Variants in STARD13 observed in about 807,000 individuals in gnomAD.
STARD13 encodes StAR related lipid transfer domain containing 13.
In STARD13, 62 loss-of-function variants were observed where a neutral mutation model predicts 106.4. The ratio of observed to expected loss-of-function variants is 0.58; its 90% CI spans 0.48 to 0.72. The LOEUF is 0.72. STARD13 is among the 30% of genes least tolerant of loss of function. The pLI, the probability that STARD13 is intolerant of heterozygous loss-of-function variation, is 0.00. For synonymous variants in STARD13, 565 were observed against 553.0 expected (o/e 1.02, Z -0.31); for missense variants, 1,387 against 1,424.0 (o/e 0.97, Z 0.42).
chr13:33,240,223 A>G (rs1889400554), intron 1 of STARD13, among the ~76,000 whole-genome samples: 1 of 152,070 alleles, frequency 6.6e-6, no homozygotes, highest in African/African-American at 2.4e-5. Flanking sequence ...TTGGCTCTCT[A>G]TTCTGTTCCA....
intron 1 of STARD13, among the ~76,000 whole-genome samples, chr13:33,184,843 C>T (rs1885595668): frequency 6.6e-6 from 1 of 152,196 alleles, no homozygotes; most frequent in Non-Finnish European, 1.5e-5. Flanking sequence ...TTCACAATTT[C>T]CACTGATGTA....
chr13:33,253,980 G>A (rs1053987452), intron 1 of STARD13, among the ~76,000 whole-genome samples: 4 of 152,236 alleles, frequency 2.6e-5, no homozygotes, highest in South Asian at 2.1e-4. Context: ...ATTGTAAAAT[G>A]TATTAGTGCT....
At chr13:33,675,022 C>T in the STARD13 span, among the ~76,000 whole-genome samples, 1 of 152,242 alleles carries the variant, frequency 6.6e-6, no homozygotes, top group African/African-American at 2.4e-5. Flanking sequence ...TTCACACCTA[C>T]ATCCTGGGTG....
At chr13:33,286,405 T>G (rs1892062746), upstream of STARD13, among the ~76,000 whole-genome samples, 3 of 152,192 alleles carry the variant, frequency 2.0e-5, no homozygotes, top group Admixed American at 6.5e-5. Flanking sequence ...CATCCTTTCC[T>G]CTTTGATTTC....
chr13:33,106,921 C>A lies in STARD13; in HGVS notation c.3061G>T (p.Asp1021Tyr), dbSNP rs759774654. The change falls in exon 13 of 14, where the codon GAT becomes TAT. Residue 1021 changes from aspartate to tyrosine, a missense_variant. Coordinates refer to ENST00000336934, the MANE Select transcript of STARD13 (RefSeq NM_178006.4). The stretch of plus-strand genomic sequence containing the variant: ...AGGGTACACATTCCTTTGGGCAAAT[C>A]AGTTTTCCAGGTCCTGTAGCAAAAC... ...DFVVLRTWKT[D>Y]LPKGMCTLVS... 6.2e-7 allele frequency: 1 copy of A among 1,612,640 alleles called. No homozygotes were observed. Among genetic ancestry groups the A allele is most frequent in the Non-Finnish European group, 8.5e-7 (1 of 1,179,214 alleles).
chr13:33,461,739 ATACTGGTT>A, the STARD13 span, among the ~76,000 whole-genome samples: 1 of 152,116 alleles, frequency 6.6e-6, no homozygotes, highest in African/African-American at 2.4e-5. Flanking sequence ...TGAATTTGTA[ATACTGGTT>A]TTTCTTTGTT....
the STARD13 span, among the ~76,000 whole-genome samples, chr13:33,509,377 A>T: frequency 3.3e-5 from 5 of 152,174 alleles, no homozygotes; most frequent in African/African-American, 1.2e-4. Context: ...TGCTAAATTT[A>T]GTACAAGCAG....
chr13:33,309,779 T>C (rs1893061656), intron 1 of STARD13, among the ~76,000 whole-genome samples: 1 of 152,168 alleles, frequency 6.6e-6, no homozygotes, highest in African/African-American at 2.4e-5. Context: ...ACTGATAATC[T>C]CCACTGGGAA....
In STARD13 at chr13:33,178,835, T is replaced by C. The variant is rs370378864; in HGVS notation, c.170-11213A>G. Among the ~76,000 whole-genome samples, 67 of 152,320 alleles carry C rather than the reference T, an allele frequency of 4.4e-4. 2 individuals carry two copies. Among genetic ancestry groups the C allele is most frequent in the East Asian group, 2.3e-3 (12 of 5,194 alleles). ...GTTGTACTCAAAAAACAAAACAAACTAGACCAAATAAAGAAAATCTCCACA... is the reference window on the plus strand; with the variant it reads ...GTTGTACTCAAAAAACAAAACAAACCAGACCAAATAAAGAAAATCTCCACA... On this transcript the variant is annotated intron_variant, in intron 1 of 13. Transcript: ENST00000336934.
chr13:33,554,187 A>T, the STARD13 span, among the ~76,000 whole-genome samples: 325 of 152,312 alleles, frequency 2.1e-3, 3 homozygotes, highest in South Asian at 0.011. Context: ...TTAAATACTC[A>T]GGAGATGTAA....
chr13:33,113,172 G>GCGA, intron 8 of STARD13: 1 of 517,982 alleles, frequency 1.9e-6, no homozygotes, highest in Non-Finnish European at 3.4e-6. Flanking sequence ...GCTCTCGATG[G>GCGA]CCAAGCAGGG....
chr13:33,217,094 C>T (rs184228314), intron 1 of STARD13, among the ~76,000 whole-genome samples: 59 of 152,192 alleles, frequency 3.9e-4, no homozygotes, highest in African/African-American at 1.4e-3. Flanking sequence ...GTAAGTCCCC[C>T]CAATAAACCC....
the STARD13 span, among the ~76,000 whole-genome samples, chr13:33,616,177 A>C: frequency 7.0e-6 from 1 of 141,860 alleles, no homozygotes; most frequent in East Asian, 2.4e-4. Flanking sequence ...AGAGGAGGGG[A>C]GGGAAATGGA....
At chr13:33,187,257 G>A (rs1885856704) in intron 1 of STARD13, among the ~76,000 whole-genome samples, 1 of 152,172 alleles carries the variant, frequency 6.6e-6, no homozygotes, top group Non-Finnish European at 1.5e-5. Context: ...CGCTCTATCG[G>A]GGTCAGACAA....
chr13:33,625,329 T>C, the STARD13 span, among the ~76,000 whole-genome samples: 5 of 151,926 alleles, frequency 3.3e-5, no homozygotes, highest in African/African-American at 1.2e-4. Flanking sequence ...CCCAGCACTT[T>C]GGGAGGCCGA....
chr13:33,614,133 G>A, the STARD13 span, among the ~76,000 whole-genome samples: 1 of 152,152 alleles, frequency 6.6e-6, no homozygotes, highest in Non-Finnish European at 1.5e-5. Flanking sequence ...GCCGAAGAGG[G>A]GTGCTTGGAT....
At chr13:33,304,823 A>G (rs570524129) in intron 1 of STARD13, among the ~76,000 whole-genome samples, 3 of 152,246 alleles carry the variant, frequency 2.0e-5, no homozygotes, top group African/African-American at 7.2e-5. Context: ...CATCTCCTCT[A>G]TATAGGCTAA....
At chr13:33,417,850 C>T in the STARD13 span, among the ~76,000 whole-genome samples, 11,154 of 152,068 alleles carry the variant, frequency 0.073, 910 homozygotes, top group East Asian at 0.3. Flanking sequence ...ATATTTATTA[C>T]GGTGATAGCT....
intron 1 of STARD13, among the ~76,000 whole-genome samples, chr13:33,300,088 A>G (rs771250140): frequency 2.6e-5 from 4 of 152,214 alleles, no homozygotes; most frequent in Non-Finnish European, 4.4e-5. Flanking sequence ...TTAACTTTTA[A>G]CCAAAGTCAG....
Sources: allele counts gnomAD v4.1 joint callset (sites outside exome capture counted in the v4.1 genomes callset), GRCh38; gene constraint gnomAD v4.1.1; transcripts MANE v1.5; gene names NCBI Gene and HGNC (gene_info 2026-07-23, HGNC 2026-07-21).